Variants in AIM2 observed in about 807,000 individuals in gnomAD.
AIM2 encodes absent in melanoma 2, also known as interferon-inducible protein AIM2.
A neutral mutation model predicts 27.7 loss-of-function variants in AIM2; 30 were observed. The ratio of observed to expected loss-of-function variants is 1.08; its 90% CI spans 0.81 to 1.47. The LOEUF (loss-of-function observed/expected upper bound fraction) is 1.47. Among genes scored for constraint, AIM2 ranks in the 40% most tolerant of loss-of-function variants. AIM2 has a pLI of 0.00. For missense variants in AIM2, 358 were observed against 411.3 expected (o/e 0.87, Z 1.12); for synonymous variants, 141 against 145.3 (o/e 0.97, Z 0.21).
intron 1 of AIM2, among the ~76,000 whole-genome samples, chr1:159,085,214 C>T (rs1437110185): frequency 2.0e-5 from 3 of 152,060 alleles, no homozygotes; most frequent in Non-Finnish European, 4.4e-5. Flanking sequence ...ACAGGGCAAG[C>T]CTAGGTCACC....
chr1:159,111,425 T>C (rs1357366111), intron 1 of AIM2, among the ~76,000 whole-genome samples: 1 of 152,222 alleles, frequency 6.6e-6, no homozygotes, highest in African/African-American at 2.4e-5. Flanking sequence ...ACAGAATTGC[T>C]CACTTTAAAA....
At chr1:159,128,260 T>TACACACAC (rs35254795) in intron 1 of AIM2, among the ~76,000 whole-genome samples, 12,628 of 147,754 alleles carry the variant, frequency 0.085, 617 homozygotes, top group Non-Finnish European at 0.12. Context: ...TGCCAAGGCT[T>TACACACAC]ACACACACAC....
chr1:159,075,366 G>T (rs1656555340), intron 1 of AIM2, among the ~76,000 whole-genome samples: 1 of 151,790 alleles, frequency 6.6e-6, no homozygotes, highest in African/African-American at 2.4e-5. Context: ...TGAAGTAGAA[G>T]GAGGTTCCTT....
Position 159,063,661 on chromosome 1 carries a change from T to A in AIM2, c.830A>T (p.Lys277Met). ...ACTTAGGTCAAATAATATGTTTTTCTTCTTTTCTGTTACCTATAAAAGAAA... is the reference window on the plus strand; with the variant it reads ...ACTTAGGTCAAATAATATGTTTTTCATCTTTTCTGTTACCTATAAAAGAAA... ...LFVVQKVTEK[K>M]KNILFDLSDN... The change falls in exon 5 of 6, where the codon AAG (lysine) becomes ATG (methionine). Residue 277 changes from lysine (K) to methionine (M), a missense_variant. Transcript: ENST00000368130. 6.2e-7 allele frequency: 1 copy of A among 1,612,162 alleles called. No individual in the cohort carries two copies. The highest frequency in any genetic ancestry group is 8.5e-7 in the Non-Finnish European group (1 of 1,179,470).
upstream of AIM2, among the ~76,000 whole-genome samples, chr1:159,077,373 C>T (rs868057268): frequency 6.6e-6 from 1 of 152,156 alleles, no homozygotes; most frequent in Non-Finnish European, 1.5e-5. Context: ...ATGGTTAATC[C>T]GGAACTGTCA....
chr1:159,099,685 T>C (rs1189018852), intron 1 of AIM2, among the ~76,000 whole-genome samples: 2 of 152,070 alleles, frequency 1.3e-5, no homozygotes, highest in African/African-American at 4.8e-5. Flanking sequence ...TTGATTCTCC[T>C]TGATAGAGAA....
intron 1 of AIM2, among the ~76,000 whole-genome samples, chr1:159,075,838 G>A (rs1016706775): frequency 1.2e-4 from 19 of 152,122 alleles, no homozygotes; most frequent in African/African-American, 4.6e-4. Context: ...CCAAAGAACA[G>A]GAAAAGATGT....
intron 1 of AIM2, among the ~76,000 whole-genome samples, chr1:159,113,489 T>C (rs371398186): frequency 1.3e-3 from 205 of 152,352 alleles, no homozygotes; most frequent in African/African-American, 4.7e-3. Flanking sequence ...AAATGTACTT[T>C]CTTTTGTTTA....
chr1:159,137,999 A>C (rs1648043319), intron 1 of AIM2, among the ~76,000 whole-genome samples: 1 of 152,120 alleles, frequency 6.6e-6, no homozygotes, highest in Admixed American at 6.5e-5. Flanking sequence ...TATGTACTAA[A>C]ATGTATACTA....
chr1:159,131,649 A>G (rs1396180709), intron 1 of AIM2, among the ~76,000 whole-genome samples: 2 of 152,216 alleles, frequency 1.3e-5, no homozygotes, highest in Non-Finnish European at 2.9e-5. Context: ...CTATGAAGAC[A>G]TATTCATTTC....
At chr1:159,143,312 T>A (rs1289219541), upstream of AIM2, among the ~76,000 whole-genome samples, 1 of 152,108 alleles carries the variant, frequency 6.6e-6, no homozygotes, top group Non-Finnish European at 1.5e-5. Context: ...AGGCTTGCCT[T>A]CCATCTACGA....
chr1:159,088,012 A>G (rs998267194), intron 1 of AIM2, among the ~76,000 whole-genome samples: 1 of 152,070 alleles, frequency 6.6e-6, no homozygotes, highest in Non-Finnish European at 1.5e-5. Flanking sequence ...CCTGTTTCTC[A>G]TTTAACAAAG....
intron 1 of AIM2, among the ~76,000 whole-genome samples, chr1:159,130,568 C>A (rs976049715): frequency 2.0e-5 from 3 of 152,052 alleles, no homozygotes; most frequent in Non-Finnish European, 4.4e-5. Flanking sequence ...CTCTCCTTTT[C>A]CCTTTGCCTC....
chr1:159,084,542 CG>C (rs924548763), intron 1 of AIM2, among the ~76,000 whole-genome samples: 17 of 152,000 alleles, frequency 1.1e-4, no homozygotes, highest in Non-Finnish European at 2.4e-4. Flanking sequence ...GAGGCCAAGG[CG>C]GGGGAATCGC....
At chr1:159,078,596 A>G (rs2101996745), upstream of AIM2, among the ~76,000 whole-genome samples, 1 of 152,308 alleles carries the variant, frequency 6.6e-6, no homozygotes, top group Non-Finnish European at 1.5e-5. Context: ...AGTGGTCTCA[A>G]TGAGGAGCAG....
At chr1:159,115,628 C>T (rs1465785375) in intron 1 of AIM2, among the ~76,000 whole-genome samples, 1 of 152,162 alleles carries the variant, frequency 6.6e-6, no homozygotes, top group East Asian at 1.9e-4. Context: ...ACTGGCTAGC[C>T]ATATGTAGAA....
At chr1:159,072,616 T>TA (rs916230867) in intron 2 of AIM2, among the ~76,000 whole-genome samples, 27 of 152,110 alleles carry the variant, frequency 1.8e-4, no homozygotes, top group South Asian at 1.4e-3. Flanking sequence ...TTGAATAATG[T>TA]AAAAAAAATC....
intron 1 of AIM2, chr1:159,081,893 T>C (rs996338072): frequency 2.0e-5 from 3 of 152,356 alleles, no homozygotes; most frequent in Admixed American, 2.0e-4. Flanking sequence ...TGAAGCACTC[T>C]TAATTTTTGT....
chr1:159,081,414 A>G (rs540954144), upstream of AIM2: 23 of 373,506 alleles, frequency 6.2e-5, no homozygotes, highest in South Asian at 4.6e-4. Flanking sequence ...ATAACCTGAA[A>G]TAATGCTTGT....
Sources: gnomAD v4.1 joint callset for allele counts (sites outside exome capture counted in the v4.1 genomes callset) on GRCh38, gnomAD v4.1.1 for gene constraint, MANE v1.5 for transcripts, NCBI Gene and HGNC (gene_info 2026-07-23, HGNC 2026-07-21) for gene names.